EYA4: variants seen among roughly 807,000 people sequenced by gnomAD.
EYA4 encodes the protein EYA transcriptional coactivator and phosphatase 4.
A neutral mutation model predicts 87.9 loss-of-function variants in EYA4; 31 were observed. That is an observed-to-expected ratio of 0.35 (90% confidence interval 0.27 to 0.48). The LOEUF (loss-of-function observed/expected upper bound fraction) is 0.48. Among genes scored for constraint, EYA4 ranks in the 20% least tolerant of loss-of-function variants. The pLI is 0.99. For missense variants in EYA4, 678 were observed against 761.4 expected, an observed-to-expected ratio of 0.89 and a Z score of 1.29; for synonymous variants, 263 against 270.6, an observed-to-expected ratio of 0.97 and a Z score of 0.28.
chr6:133,330,363 T>C (rs1416220488), intron 2 of EYA4, among the ~76,000 whole-genome samples: 1 of 152,120 alleles, frequency 6.6e-6, no homozygotes, highest in Non-Finnish European at 1.5e-5. Flanking sequence ...TTGATTGCTC[T>C]GTAATTATAA....
intron 3 of EYA4, among the ~76,000 whole-genome samples, chr6:133,411,179 C>G (rs1020237564): frequency 6.6e-6 from 1 of 152,288 alleles, no homozygotes; most frequent in African/African-American, 2.4e-5. Flanking sequence ...TGAGGACTTA[C>G]TATTTTTTTG....
intron 13 of EYA4, chr6:133,502,654 A>G (rs891613931): frequency 1.3e-5 from 2 of 152,324 alleles, no homozygotes; most frequent in Non-Finnish European, 1.5e-5. Context: ...GCTCACTTAG[A>G]ATTAGCTGTC....
rs188596413 is a variant in EYA4 at position 133,417,001 on chromosome 6, G to A, written c.84-29629G>A. Among the ~76,000 whole-genome samples the A allele has an allele frequency of 3.9e-5, 6 of 152,324 alleles. No individual in the cohort carries two copies. The East Asian group carries it at 9.6e-4, about 24-fold the overall frequency. On this transcript the variant is annotated intron_variant, in intron 3 of 19. Coordinates refer to ENST00000355286, the MANE Select transcript of EYA4 (RefSeq NM_004100.5). ...GTGAAGGAGAGCAAAGCAATCTGTT[G>A]ATGAAGCAGTTTGTTGTCATTGTTC...
chr6:133,466,739 C>G (rs1191967612), intron 10 of EYA4, among the ~76,000 whole-genome samples: 5 of 151,366 alleles, frequency 3.3e-5, no homozygotes, highest in African/African-American at 1.2e-4. Flanking sequence ...TACCAAATCC[C>G]CAATGGATGG....
At position 133,532,111 on chromosome 6, in the gene EYA4, A is replaced by T. The variant is rs1801044062; in HGVS notation, c.*3306A>T. 1 of 152,122 alleles carries T rather than the reference A, an allele frequency of 6.6e-6. No homozygotes were observed. Among genetic ancestry groups the T allele is most frequent in the South Asian group, 2.1e-4 (1 of 4,828 alleles). The allele number at this position is 152,122 out of a possible 1,614,324, so 9.4% of individuals were successfully genotyped here. ...AATAAATACCTTTGCAATTGTTTTC[A>T]TTTCCTTCACCCTCCCATGTTGTAG... On this transcript the variant is annotated 3_prime_UTR_variant, in exon 20 of 20. Transcript: ENST00000355286.
chr6:133,400,068 A>G (rs1788125103), intron 3 of EYA4, among the ~76,000 whole-genome samples: 1 of 152,216 alleles, frequency 6.6e-6, no homozygotes, highest in African/African-American at 2.4e-5. Flanking sequence ...GAATAGCAGC[A>G]TATTTATCCA....
In EYA4 at chr6:133,531,556, C is replaced by A. The variant is rs1801011018; in HGVS notation, c.*2751C>A. On this transcript the variant is annotated 3_prime_UTR_variant, in exon 20 of 20. Coordinates refer to ENST00000355286, the MANE Select transcript of EYA4 (RefSeq NM_004100.5). ...TTGGTATATTACTACGAAAGATAAC[C>A]ACCTTGTGTTGCACCTTAAAAATAT... 1.1e-5 allele frequency: 3 copies of A among 272,168 alleles called. No individual in the cohort carries two copies. The South Asian group carries it at 3.1e-4, about 28-fold the overall frequency. 16.9% of individuals were successfully genotyped at this position (272,168 alleles called of 1,614,324 possible).
At chr6:133,402,657 T>C (rs767812023) in intron 3 of EYA4, among the ~76,000 whole-genome samples, 5 of 152,058 alleles carry the variant, frequency 3.3e-5, no homozygotes, top group African/African-American at 4.8e-5. Flanking sequence ...CTGGGTGTCA[T>C]ATGCTTACAT....
At chr6:133,268,494 T>TGGAGAA (rs1776410174) in intron 1 of EYA4, among the ~76,000 whole-genome samples, 1 of 152,060 alleles carries the variant, frequency 6.6e-6, no homozygotes, top group Non-Finnish European at 1.5e-5. Context: ...GAGGAGAAAA[T>TGGAGAA]GGCTCTAAAG....
chr6:133,464,081 A>G (rs533208491), intron 9 of EYA4, among the ~76,000 whole-genome samples: 1 of 152,148 alleles, frequency 6.6e-6, no homozygotes, highest in Non-Finnish European at 1.5e-5. Flanking sequence ...AGCTACCTCA[A>G]TAGCCTTTCA....
At chr6:133,378,500 T>A (rs555084025) in intron 2 of EYA4, among the ~76,000 whole-genome samples, 1 of 152,266 alleles carries the variant, frequency 6.6e-6, no homozygotes, top group South Asian at 2.1e-4. Flanking sequence ...TGAACATTTT[T>A]AATTCATATG....
chr6:133,250,307 A>T (rs1414935251), intron 1 of EYA4, among the ~76,000 whole-genome samples: 1 of 152,148 alleles, frequency 6.6e-6, no homozygotes, highest in African/African-American at 2.4e-5. Flanking sequence ...TAGTACTTGA[A>T]ATCTGAGAGA....
At chr6:133,393,399 T>TA in intron 3 of EYA4, among the ~76,000 whole-genome samples, 1 of 152,074 alleles carries the variant, frequency 6.6e-6, no homozygotes, top group Non-Finnish European at 1.5e-5. Context: ...TGTTAGAAGG[T>TA]AATACATAAC....
At chr6:133,285,073 T>C (rs1197552423) in intron 2 of EYA4, among the ~76,000 whole-genome samples, 1 of 149,348 alleles carries the variant, frequency 6.7e-6, no homozygotes, top group Non-Finnish European at 1.5e-5. Context: ...CTCGGCTCAC[T>C]GCAAGCTCCA....
intron 11 of EYA4, among the ~76,000 whole-genome samples, chr6:133,474,400 C>A (rs1322219684): frequency 6.6e-6 from 1 of 151,938 alleles, no homozygotes; most frequent in Non-Finnish European, 1.5e-5. Flanking sequence ...TAAATGCAGG[C>A]AGGTAGATAT....
chr6:133,341,595 C>T (rs1315914957), intron 2 of EYA4, among the ~76,000 whole-genome samples: 1 of 152,024 alleles, frequency 6.6e-6, no homozygotes, highest in East Asian at 1.9e-4. Context: ...AAAGGTGTAA[C>T]ATTGAACAGA....
chr6:133,405,006 C>T (rs192037525), intron 3 of EYA4, among the ~76,000 whole-genome samples: 7 of 152,234 alleles, frequency 4.6e-5, no homozygotes, highest in East Asian at 1.9e-4. Flanking sequence ...TGAACATAGT[C>T]GCTCTTAGTT....
chr6:133,447,815 G>T (rs951148050), intron 4 of EYA4, among the ~76,000 whole-genome samples: 14 of 152,266 alleles, frequency 9.2e-5, no homozygotes, highest in African/African-American at 2.6e-4. Flanking sequence ...AATTGCAAAT[G>T]TATAGAATAT....
intron 2 of EYA4, among the ~76,000 whole-genome samples, chr6:133,358,040 A>T (rs1233400408): frequency 1.3e-5 from 2 of 152,164 alleles, no homozygotes; most frequent in Non-Finnish European, 2.9e-5. Flanking sequence ...TTTGAATTAA[A>T]GCAAATGTTA....
Sources: allele counts gnomAD v4.1 joint callset (sites outside exome capture counted in the v4.1 genomes callset), GRCh38; gene constraint gnomAD v4.1.1; transcripts MANE v1.5; gene names NCBI Gene and HGNC (gene_info 2026-07-23, HGNC 2026-07-21).